The following GBF1 variants were observed in gnomAD, a reference collection of about 807,000 sequenced individuals.
The protein encoded by GBF1 is golgi brefeldin A resistant guanine nucleotide exchange factor 1, also known as Golgi-specific brefeldin A-resistance guanine nucleotide exchange factor 1.
A neutral mutation model predicts 210.5 loss-of-function variants in GBF1; 114 were observed. The observed-to-expected ratio is 0.54, with a 90% CI of 0.47 to 0.63. The LOEUF is 0.63. GBF1 is among the 30% of genes least tolerant of loss of function. GBF1 has a pLI of 0.00. For missense variants in GBF1, 1,851 were observed against 2,357.7 expected (o/e 0.79, Z 4.45); for synonymous variants, 850 against 889.2 (o/e 0.96, Z 0.78).
intron 3 of GBF1, among the ~76,000 whole-genome samples, chr10:102,288,670 C>T (rs2133600576): frequency 6.9e-6 from 1 of 145,340 alleles, no homozygotes; most frequent in Non-Finnish European, 1.5e-5. Context: ...GAGATTGCGC[C>T]ACTGCAGTCC....
intron 3 of GBF1, among the ~76,000 whole-genome samples, chr10:102,320,313 A>G (rs1565105173): frequency 1.3e-5 from 2 of 152,056 alleles, no homozygotes; most frequent in Admixed American, 1.3e-4. Flanking sequence ...AGTCCTTTAT[A>G]TTTAAACTGG....
chr10:102,258,407 C>T lies in GBF1; in HGVS notation c.-10-522C>T, dbSNP rs546852887. Among the ~76,000 whole-genome samples, 4 of 150,608 alleles carry T rather than the reference C, an allele frequency of 2.7e-5. No homozygotes were observed. In the South Asian group the frequency reaches 8.4e-4, roughly 32 times the overall value. On this transcript the variant is annotated intron_variant, in intron 1 of 39. Coordinates refer to ENST00000369983, the MANE Select transcript of GBF1 (RefSeq NM_001377137.1). ...CCGACCTCAGGTGATCCACCTGCCTCTGCCTCTCAAAGTGCTGGGATTACA... is the reference window on the plus strand; with the variant it reads ...CCGACCTCAGGTGATCCACCTGCCTTTGCCTCTCAAAGTGCTGGGATTACA...
At chr10:102,286,196 T>G (rs1171726541) in intron 3 of GBF1, among the ~76,000 whole-genome samples, 1 of 48,904 alleles carries the variant, frequency 2.0e-5, no homozygotes, top group Non-Finnish European at 5.0e-5. Context: ...GCATAAGGGT[T>G]TTTTTTTTTT....
chr10:102,307,421 G>A (rs1036663353), intron 3 of GBF1, among the ~76,000 whole-genome samples: 9 of 130,814 alleles, frequency 6.9e-5, no homozygotes, highest in Non-Finnish European at 9.5e-5. Context: ...TTATAGTGAT[G>A]TTCACAAATC....
intron 33 of GBF1, among the ~76,000 whole-genome samples, chr10:102,378,906 C>T (rs2060670640): frequency 1.3e-5 from 2 of 152,170 alleles, no homozygotes; most frequent in Admixed American, 6.5e-5. Context: ...TGCACTCCAG[C>T]CTGGGTGACA....
At chr10:102,344,238 G>A in intron 4 of GBF1, 56 bp downstream of exon 4, 1 of 1,579,114 alleles carries the variant, frequency 6.3e-7, no homozygotes, top group East Asian at 2.2e-5. Context: ...ACCTTTCCTG[G>A]GGTGCCCAGG....
At chr10:102,261,618 T>TC (rs1486331449) in intron 3 of GBF1, among the ~76,000 whole-genome samples, 5 of 143,684 alleles carry the variant, frequency 3.5e-5, no homozygotes, top group African/African-American at 1.1e-4. Context: ...TTTCTTTCTT[T>TC]TTTTTTTTTT....
At chr10:102,248,576 G>T (rs1242022118) in intron 1 of GBF1, among the ~76,000 whole-genome samples, 1 of 152,004 alleles carries the variant, frequency 6.6e-6, no homozygotes, top group Non-Finnish European at 1.5e-5. Context: ...AATGTATTAG[G>T]ATTAGTGGGG....
At chr10:102,337,691 T>C (rs561946232) in intron 3 of GBF1, among the ~76,000 whole-genome samples, 1 of 152,126 alleles carries the variant, frequency 6.6e-6, no homozygotes, top group South Asian at 2.1e-4. Flanking sequence ...ACCCCATCTC[T>C]ACTAAAAATA....
Position 102,363,391 on chromosome 10 carries a change from C to G in GBF1, c.2012C>G (p.Ser671Cys). Reference sequence around the variant, plus strand: ...AGTGATCTGGAGGAAGCTGTTGACTCTGGGGGTGGGTACTGGGTGTCCATG... The same window carrying G: ...AGTGATCTGGAGGAAGCTGTTGACTGTGGGGGTGGGTACTGGGTGTCCATG... ...GCSDLEEAVD[S>C]GADKKFARKP... Residue 671 changes from serine to cysteine, a missense_variant, in exon 16 of 40, where the codon TCT (serine) becomes TGT (cysteine). By Grantham distance (112) the Ser-to-Cys change is moderately radical (BLOSUM62 -1). Around this residue, in one of 3 missense-constraint regions of GBF1, gnomAD observed 804 missense variants for 958.6 expected, o/e 0.84. Coordinates refer to ENST00000369983, the MANE Select transcript of GBF1 (RefSeq NM_001377137.1). The surrounding 1 kb of genome is among the most constrained non-coding windows in gnomAD (Gnocchi z 4.2). 1 of 1,613,182 alleles carries G rather than the reference C, an allele frequency of 6.2e-7. No individual in the cohort carries two copies. Among genetic ancestry groups the G allele is most frequent in the South Asian group, 1.1e-5 (1 of 90,918 alleles).
intron 3 of GBF1, among the ~76,000 whole-genome samples, chr10:102,308,201 T>TAAAAAAAAAA (rs11440668): frequency 1.6e-5 from 2 of 123,446 alleles, no homozygotes; most frequent in Non-Finnish European, 3.3e-5. Context: ...TCACAGAAGC[T>TAAAAAAAAAA]AAAAAAAAAA....
rs201797862 is a variant in GBF1 at position 102,375,505 on chromosome 10, A to C, written c.3807A>C (p.Thr1269=). The change falls in exon 30 of 40, where the codon ACA becomes ACC. Residue 1269 remains threonine, a synonymous_variant. Transcript: ENST00000369983. ...GTGATGACTGGGCCACACTCTTCACACTGCTGGAGTGCATCGGCTCAGGTG... is the reference window on the plus strand; with the variant it reads ...GTGATGACTGGGCCACACTCTTCACCCTGCTGGAGTGCATCGGCTCAGGTG... ...HSGDDWATLF[T]LLECIGSGVK... The C allele has an allele frequency of 5.0e-5, 80 of 1,613,908 alleles. No homozygotes were observed. In the South Asian group the frequency reaches 8.3e-4, roughly 17 times the overall value.
chr10:102,259,014 T>G lies in GBF1; in HGVS notation c.76T>G (p.Trp26Gly). 1.3e-6 allele frequency: 2 copies of G among 1,583,888 alleles called. No homozygotes were observed. The highest frequency in any genetic ancestry group is 1.7e-6 in the Non-Finnish European group (2 of 1,152,416). The change falls in exon 2 of 40, where the codon TGG becomes GGG. Residue 26 changes from tryptophan to glycine, a missense_variant. By Grantham distance (184) the Trp-to-Gly change is radical. This residue lies in a region of GBF1 where 804 missense variants were observed against 958.6 expected (regional missense o/e 0.84). Transcript: ENST00000369983. ...VVGAIKRNAR[W>G]STHTPLDEER... ...TGGGGCCATCAAACGAAATGCCCGA[T>G]GGAGCACCCATACACCACTGGTAAG...
chr10:102,376,815 G>A lies in GBF1; in HGVS notation c.4288+15G>A, dbSNP rs774078873. 1.2e-6 allele frequency: 2 copies of A among 1,608,844 alleles called. No homozygotes were observed. Among genetic ancestry groups the A allele is most frequent in the East Asian group, 2.2e-5 (1 of 44,866 alleles). Reference sequence around the variant, plus strand: ...TCTGAATGGCGGTGGGTCAGCTGATGAGGGGGCAGCTGGGGAGTAGCCATG... The same window carrying A: ...TCTGAATGGCGGTGGGTCAGCTGATAAGGGGGCAGCTGGGGAGTAGCCATG... On this transcript the variant is annotated intron_variant, in intron 32 of 39. Transcript: ENST00000369983.
intron 3 of GBF1, among the ~76,000 whole-genome samples, chr10:102,296,749 A>C: frequency 6.7e-6 from 1 of 150,294 alleles, no homozygotes. Flanking sequence ...TCAAAAAAAA[A>C]AAAAAGAATT....
At chr10:102,284,439 C>T (rs1287775406) in intron 3 of GBF1, among the ~76,000 whole-genome samples, 5 of 152,154 alleles carry the variant, frequency 3.3e-5, no homozygotes, top group East Asian at 1.9e-4. Context: ...CCTCCAGCCC[C>T]TGGTAGCCAT....
intron 5 of GBF1, 131 bp downstream of exon 5, chr10:102,351,505 C>A: frequency 1.5e-6 from 1 of 657,394 alleles, no homozygotes; most frequent in Non-Finnish European, 2.7e-6. Flanking sequence ...TGTTTCCAGA[C>A]AAGCAGCTGG....
rs2058375060 is a variant in GBF1 at position 102,344,159 on chromosome 10, A to G, written c.272A>G (p.Lys91Arg). Residue 91 changes from lysine to arginine, a missense_variant, in exon 4 of 40, where the codon AAG (lysine) becomes AGG (arginine). By Grantham distance (26) the Lys-to-Arg change is conservative. Coordinates refer to ENST00000369983, the MANE Select transcript of GBF1 (RefSeq NM_001377137.1). ...GGACTGGCACTCACCTCTGTCAACAAGTTCCTGTCCTATGCACTCATAGGT... is the reference window on the plus strand; with the variant it reads ...GGACTGGCACTCACCTCTGTCAACAGGTTCCTGTCCTATGCACTCATAGGT... Reference protein sequence around the residue: ...ITGLALTSVNKFLSYALIDPT... With the variant: ...ITGLALTSVNRFLSYALIDPT... 1.2e-6 allele frequency: 2 copies of G among 1,613,870 alleles called. No homozygotes were observed. Among genetic ancestry groups the G allele is most frequent in the Non-Finnish European group, 8.5e-7 (1 of 1,179,858 alleles).
At position 102,377,198 on chromosome 10, in the gene GBF1, G is replaced by T. The variant is rs2060554287; in HGVS notation, c.4494+58G>T. The T allele has an allele frequency of 6.2e-6, 9 of 1,459,524 alleles. No individual in the cohort carries two copies. The South Asian group carries it at 9.2e-5, about 15-fold the overall frequency. The allele number at this position is 1,459,524 out of a possible 1,614,324, so 90.4% of individuals were successfully genotyped here. ...CCTGCACCTGATACTGGGAGCCTGG[G>T]GCGGCCAGGGAAAGCCAGGGCTGAG... On this transcript the variant is annotated intron_variant, in intron 33 of 39. Coordinates refer to ENST00000369983, the MANE Select transcript of GBF1 (RefSeq NM_001377137.1).
Sources: allele counts gnomAD v4.1 joint callset (sites outside exome capture counted in the v4.1 genomes callset), GRCh38; gene constraint gnomAD v4.1.1; regional missense constraint gnomAD v4.1.1; non-coding constraint Gnocchi (gnomAD v3.1); transcripts MANE v1.5; gene names NCBI Gene and HGNC (gene_info 2026-07-23, HGNC 2026-07-21).